CPEB4: variants seen among roughly 807,000 people sequenced by gnomAD.
The protein encoded by CPEB4 is cytoplasmic polyadenylation element binding protein 4.
Under a neutral mutation model 72.5 loss-of-function variants are expected in CPEB4, and 12 were observed. The observed-to-expected ratio is 0.17, with a 90% CI of 0.11 to 0.27. CPEB4 has a LOEUF of 0.27. Among genes scored for constraint, CPEB4 ranks in the 10% least tolerant of loss-of-function variants. The pLI is 1.00. For synonymous variants in CPEB4, 302 were observed against 326.3 expected, an observed-to-expected ratio of 0.93 and a Z score of 0.80; for missense variants, 614 against 908.5, an observed-to-expected ratio of 0.68 and a Z score of 4.17.
chr5:173,894,800 A>G (rs1450617581), intron 1 of CPEB4, among the ~76,000 whole-genome samples: 1 of 152,082 alleles, frequency 6.6e-6, no homozygotes, highest in Non-Finnish European at 1.5e-5. Context: ...ATAATATGGC[A>G]GGGGGATAGT....
chr5:173,941,220 A>G (rs1192506704), intron 3 of CPEB4, among the ~76,000 whole-genome samples: 2 of 152,196 alleles, frequency 1.3e-5, no homozygotes, highest in Non-Finnish European at 2.9e-5. Context: ...AAGCAGTTGT[A>G]TGAATAGAAT....
chr5:173,947,033 A>G (rs78133292), intron 5 of CPEB4, among the ~76,000 whole-genome samples: 16,687 of 152,000 alleles, frequency 0.11, 1,111 homozygotes, highest in Middle Eastern at 0.21. Context: ...AGAGCAGACT[A>G]GACTGTTTCA....
At chr5:173,938,569 AC>A in intron 3 of CPEB4, among the ~76,000 whole-genome samples, 1 of 152,036 alleles carries the variant, frequency 6.6e-6, no homozygotes, top group African/African-American at 2.4e-5. Context: ...TCTGAGCTAC[AC>A]CCCCCTTTTT....
At chr5:173,947,797 G>A (rs745470772) in intron 5 of CPEB4, among the ~76,000 whole-genome samples, 4 of 152,106 alleles carry the variant, frequency 2.6e-5, no homozygotes, top group Non-Finnish European at 5.9e-5. Context: ...AGCATATAGA[G>A]CACCTGTAAC....
chr5:173,946,496 T>C (rs955659365), intron 5 of CPEB4, among the ~76,000 whole-genome samples: 26 of 152,188 alleles, frequency 1.7e-4, no homozygotes, highest in Admixed American at 2.6e-4. Context: ...ATATTGAAAA[T>C]GTACAAAACC....
chr5:173,917,183 A>AT (rs571477688), intron 2 of CPEB4, among the ~76,000 whole-genome samples: 167 of 152,204 alleles, frequency 1.1e-3, no homozygotes, highest in African/African-American at 3.7e-3. Context: ...GGAATAAATA[A>AT]TTTTTTTTCA....
At position 173,956,031 on chromosome 5, in the gene CPEB4, A is replaced by C. The variant is rs1179552711; in HGVS notation, c.2084A>C (p.Glu695Ala). The change falls in exon 10 of 10, where the codon GAA becomes GCA. Residue 695 changes from glutamate (E) to alanine (A), a missense_variant. By Grantham distance (107) the Glu-to-Ala change is moderately radical. Coordinates refer to ENST00000265085, the MANE Select transcript of CPEB4 (RefSeq NM_030627.4). ...GTTACCTGTCTGCAGTATTACTGTG[A>C]ATATTGCTGGGCTGCTATCCATTCT... ...ANVTCLQYYCEYCWAAIHSRA... is the reference protein window; with the variant it reads ...ANVTCLQYYCAYCWAAIHSRA... 1 of 1,613,982 alleles carries C rather than the reference A, an allele frequency of 6.2e-7. No homozygotes were observed. The highest frequency in any genetic ancestry group is 8.5e-7 in the Non-Finnish European group (1 of 1,180,014).
chr5:173,898,091 A>G (rs569814497), intron 1 of CPEB4, among the ~76,000 whole-genome samples: 25 of 152,276 alleles, frequency 1.6e-4, no homozygotes, highest in Non-Finnish European at 2.8e-4. Context: ...GGCAATTTCT[A>G]TTTGCTAAAG....
intron 8 of CPEB4, among the ~76,000 whole-genome samples, 180 bp downstream of exon 8, chr5:173,952,118 T>C (rs957050267): frequency 5.9e-5 from 9 of 152,168 alleles, no homozygotes; most frequent in Non-Finnish European, 1.2e-4. Flanking sequence ...ATTCCATGAC[T>C]TTTCTAATTC....
At chr5:173,928,744 C>G (rs1481575489) in intron 2 of CPEB4, among the ~76,000 whole-genome samples, 5 of 152,178 alleles carry the variant, frequency 3.3e-5, no homozygotes, top group Middle Eastern at 3.4e-3. Flanking sequence ...TAACCAAATT[C>G]CCATGGCACT....
intron 3 of CPEB4, among the ~76,000 whole-genome samples, chr5:173,942,084 A>T (rs1167093002): frequency 6.6e-6 from 1 of 152,118 alleles, no homozygotes; most frequent in Non-Finnish European, 1.5e-5. Flanking sequence ...TTTTCATCAG[A>T]GTCAGTTCTT....
chr5:173,913,530 A>G (rs912982341), intron 2 of CPEB4, among the ~76,000 whole-genome samples: 12 of 152,236 alleles, frequency 7.9e-5, no homozygotes, highest in Admixed American at 3.3e-4. Context: ...TTAACAATAG[A>G]ATTTCCTTGG....
intron 2 of CPEB4, 97 bp downstream of exon 2, chr5:173,910,701 C>A (rs1756625760): frequency 2.6e-6 from 2 of 779,174 alleles, no homozygotes; most frequent in South Asian, 1.6e-5. Flanking sequence ...ATTATGGAGT[C>A]ACTTTGTATG....
chr5:173,949,427 G>A, intron 5 of CPEB4, 81 bp from the exon 6 acceptor site: 1 of 988,884 alleles, frequency 1.0e-6, no homozygotes, highest in Non-Finnish European at 1.5e-6. Flanking sequence ...GTAAATAGTA[G>A]ATTTGAAACT....
At chr5:173,943,785 A>G (rs1226406990) in intron 4 of CPEB4, among the ~76,000 whole-genome samples, 1 of 152,228 alleles carries the variant, frequency 6.6e-6, no homozygotes, top group Non-Finnish European at 1.5e-5. Context: ...TATAAAAAAT[A>G]TACTGTTATT....
chr5:173,936,359 T>G (rs962924787), intron 3 of CPEB4, among the ~76,000 whole-genome samples: 3 of 152,196 alleles, frequency 2.0e-5, no homozygotes, highest in Non-Finnish European at 2.9e-5. Flanking sequence ...ACTCTTCTTA[T>G]AAAGACACCA....
At chr5:173,890,986 A>G in intron 1 of CPEB4, 128 bp downstream of exon 1, 1 of 891,312 alleles carries the variant, frequency 1.1e-6, no homozygotes, top group Non-Finnish European at 1.6e-6. Context: ...TGAATCAATA[A>G]CCAGACTTTA....
At chr5:173,929,508 G>A (rs1229615139) in intron 2 of CPEB4, among the ~76,000 whole-genome samples, 1 of 152,040 alleles carries the variant, frequency 6.6e-6, no homozygotes, top group East Asian at 1.9e-4. Flanking sequence ...AGACCAGCCT[G>A]GGTAACATAG....
intron 3 of CPEB4, among the ~76,000 whole-genome samples, chr5:173,933,039 G>A (rs1271025045): frequency 4.6e-5 from 7 of 152,108 alleles, no homozygotes; most frequent in Non-Finnish European, 8.8e-5. Context: ...CTTTTTATGC[G>A]CATAGTGAAG....
Sources: allele counts gnomAD v4.1 joint callset (sites outside exome capture counted in the v4.1 genomes callset), GRCh38; gene constraint gnomAD v4.1.1; transcripts MANE v1.5; gene names NCBI Gene and HGNC (gene_info 2026-07-23, HGNC 2026-07-21).